DIS3L2: variants seen among roughly 807,000 people sequenced by gnomAD.
The protein encoded by DIS3L2 is DIS3-like exonuclease 2.
In DIS3L2, 34 loss-of-function variants were observed where a neutral mutation model predicts 97.5. The observed-to-expected ratio is 0.35, with a 90% CI of 0.27 to 0.46. The LOEUF (loss-of-function observed/expected upper bound fraction) is 0.46, where lower values mean the gene tolerates loss of function less well. DIS3L2 is among the 20% of genes least tolerant of loss of function. The pLI, the probability that DIS3L2 is intolerant of heterozygous loss-of-function variation, is 1.00. For synonymous variants in DIS3L2, 435 were observed against 445.2 expected (o/e 0.98, Z 0.29); for missense variants, 1,038 against 1,146.0 (o/e 0.91, Z 1.36).
chr2:232,020,502 G>A (rs765584598), intron 3 of DIS3L2, among the ~76,000 whole-genome samples: 2 of 152,130 alleles, frequency 1.3e-5, no homozygotes, highest in Non-Finnish European at 2.9e-5. Flanking sequence ...CTGAGTTTTC[G>A]AATTGAGCAG....
At chr2:232,314,324 G>C (rs963428501) in intron 14 of DIS3L2, among the ~76,000 whole-genome samples, 1 of 152,226 alleles carries the variant, frequency 6.6e-6, no homozygotes, top group Non-Finnish European at 1.5e-5. Context: ...TAGAGTCTCA[G>C]CTGTCCCATT....
chr2:232,317,114 A>G (rs1218011811), intron 14 of DIS3L2, among the ~76,000 whole-genome samples: 3 of 152,212 alleles, frequency 2.0e-5, no homozygotes, highest in Admixed American at 1.3e-4. Flanking sequence ...CAGTCCTTGC[A>G]ATGGAAGGGA....
chr2:232,329,682 G>A lies in DIS3L2; in HGVS notation c.1740-131G>A. 5.5e-6 allele frequency: 5 copies of A among 904,318 alleles called. No individual in the cohort carries two copies. The South Asian group carries it at 1.0e-4, about 18-fold the overall frequency. The allele number at this position is 904,318 out of a possible 1,614,324, so 56.0% of individuals were successfully genotyped here. A position where few individuals can be genotyped will look rare whatever the true frequency, so the allele number is the denominator to read the frequency against. On this transcript the variant is annotated intron_variant, in intron 14 of 20. Transcript: ENST00000325385. ...TTGGCGGAACACATGAGATGAGGTA[G>A]CTGGGAGGTTGTCTTTAAGCTGAGA...
chr2:232,315,977 A>G (rs1695262611), intron 14 of DIS3L2, among the ~76,000 whole-genome samples: 1 of 152,134 alleles, frequency 6.6e-6, no homozygotes, highest in Non-Finnish European at 1.5e-5. Context: ...CCGGGTTACC[A>G]GTAGGGGGTA....
intron 6 of DIS3L2, chr2:232,111,057 A>T: frequency 2.8e-6 from 1 of 359,018 alleles, no homozygotes; most frequent in Non-Finnish European, 5.7e-6. Flanking sequence ...AAAGGATAGG[A>T]AATTAATGAT....
At chr2:232,277,289 T>C (rs763040504) in intron 13 of DIS3L2, among the ~76,000 whole-genome samples, 3 of 152,192 alleles carry the variant, frequency 2.0e-5, no homozygotes, top group Non-Finnish European at 4.4e-5. Flanking sequence ...AAATGTGAGC[T>C]GCAAAGTATT....
chr2:232,107,835 C>A (rs1180230963), intron 6 of DIS3L2, among the ~76,000 whole-genome samples: 2 of 152,150 alleles, frequency 1.3e-5, no homozygotes, highest in Admixed American at 1.3e-4. Flanking sequence ...CATACACCCT[C>A]CCAGGACTGA....
intron 6 of DIS3L2, among the ~76,000 whole-genome samples, chr2:232,098,298 A>T (rs1255032132): frequency 2.6e-5 from 4 of 151,840 alleles, no homozygotes; most frequent in African/African-American, 9.7e-5. Flanking sequence ...CTTGCAATGT[A>T]TGAGGCTCCT....
chr2:232,034,663 T>C (rs1694903815), intron 5 of DIS3L2, among the ~76,000 whole-genome samples: 1 of 152,254 alleles, frequency 6.6e-6, no homozygotes, highest in African/African-American at 2.4e-5. Context: ...TTCTGGTACA[T>C]TGTGTCTTTG....
intron 9 of DIS3L2, among the ~76,000 whole-genome samples, chr2:232,204,489 A>G (rs1452373069): frequency 6.6e-6 from 1 of 152,126 alleles, no homozygotes; most frequent in Non-Finnish European, 1.5e-5. Context: ...GCCTTCAGAA[A>G]TTTTGGTTAC....
chr2:232,026,691 C>G (rs778246972), intron 4 of DIS3L2, among the ~76,000 whole-genome samples: 8 of 152,010 alleles, frequency 5.3e-5, no homozygotes, highest in Non-Finnish European at 7.4e-5. Context: ...GAGCAGAGGT[C>G]CTATGGTTCC....
chr2:232,310,898 T>G (rs1173755549), intron 14 of DIS3L2, among the ~76,000 whole-genome samples: 1 of 152,210 alleles, frequency 6.6e-6, no homozygotes, highest in Non-Finnish European at 1.5e-5. Flanking sequence ...TCACCCAGTC[T>G]CCTCCACATG....
intron 12 of DIS3L2, among the ~76,000 whole-genome samples, chr2:232,257,950 T>C (rs1187316793): frequency 6.6e-6 from 1 of 152,208 alleles, no homozygotes; most frequent in Non-Finnish European, 1.5e-5. Flanking sequence ...CTTAGGAGTT[T>C]GTATGACTTT....
intron 9 of DIS3L2, among the ~76,000 whole-genome samples, chr2:232,191,978 A>G (rs568262156): frequency 2.0e-5 from 3 of 152,194 alleles, no homozygotes; most frequent in African/African-American, 4.8e-5. Flanking sequence ...CACTCACCGA[A>G]CATCCCTCTC....
intron 5 of DIS3L2, among the ~76,000 whole-genome samples, chr2:232,055,757 T>C (rs1695530050): frequency 1.3e-5 from 2 of 152,176 alleles, no homozygotes; most frequent in Admixed American, 6.5e-5. Context: ...TAGTTTGGTA[T>C]TTAGTATAAG....
chr2:232,254,183 C>T (rs1693492111), intron 12 of DIS3L2, among the ~76,000 whole-genome samples: 1 of 152,120 alleles, frequency 6.6e-6, no homozygotes, highest in Non-Finnish European at 1.5e-5. Context: ...CATAGATTTT[C>T]CTGAATTGGG....
chr2:232,340,438 G>A (rs1007171347), downstream of DIS3L2, among the ~76,000 whole-genome samples: 8 of 152,162 alleles, frequency 5.3e-5, no homozygotes, highest in Non-Finnish European at 7.4e-5. Context: ...TCCCACCGTG[G>A]TCTGCAGAGG....
chr2:232,090,306 T>C (rs917936562), intron 6 of DIS3L2, among the ~76,000 whole-genome samples: 1 of 152,132 alleles, frequency 6.6e-6, no homozygotes, highest in African/African-American at 2.4e-5. Flanking sequence ...TCTTTCCTTA[T>C]TCTTTTTGCA....
chr2:232,331,364 G>T (rs1695730903), intron 16 of DIS3L2, among the ~76,000 whole-genome samples: 1 of 152,224 alleles, frequency 6.6e-6, no homozygotes, highest in South Asian at 2.1e-4. Flanking sequence ...AGCGGGAGCA[G>T]TGGATGCTGA....
Sources: gnomAD v4.1 joint callset for allele counts (sites outside exome capture counted in the v4.1 genomes callset) on GRCh38, gnomAD v4.1.1 for gene constraint, MANE v1.5 for transcripts, NCBI Gene and HGNC (gene_info 2026-07-23, HGNC 2026-07-21) for gene names.